Variants in PLXNA4 observed in about 807,000 individuals in gnomAD.
PLXNA4 encodes the protein plexin A4, also known as plexin-A4.
A neutral mutation model predicts 191.8 loss-of-function variants in PLXNA4; 44 were observed. That is an observed-to-expected ratio of 0.23 (90% CI 0.18 to 0.29). The LOEUF is 0.29. PLXNA4 is among the 10% of genes least tolerant of loss of function. The probability of loss-of-function intolerance (pLI) is 1.00; values close to 1 mark genes in which losing one functional copy is unlikely to be tolerated. For missense variants in PLXNA4, 1,800 were observed against 2,488.8 expected (o/e 0.72, Z 5.89); for synonymous variants, 1,082 against 1,009.5 (o/e 1.07, Z -1.36).
At chr7:132,601,327 C>T (rs532257246) in intron 2 of PLXNA4, among the ~76,000 whole-genome samples, 12 of 152,086 alleles carry the variant, frequency 7.9e-5, no homozygotes, top group East Asian at 3.9e-4. Context: ...TGGTAGAGCC[C>T]GTGAGAGATT....
intron 3 of PLXNA4, among the ~76,000 whole-genome samples, chr7:132,385,785 TG>T (rs1304083269): frequency 6.6e-6 from 1 of 152,236 alleles, no homozygotes; most frequent in African/African-American, 2.4e-5. Context: ...CAAGTCCTCC[TG>T]TGGCCAACCT....
Position 132,285,921 on chromosome 7 carries a change from C to A in PLXNA4, c.1503+12170G>T, listed in dbSNP as rs531116237. Among the ~76,000 whole-genome samples the A allele has an allele frequency of 1.1e-4, 17 of 152,200 alleles. 1 individual carries two copies. The South Asian group carries it at 3.5e-3, about 32-fold the overall frequency. On this transcript the variant is annotated intron_variant, in intron 4 of 31. Transcript: ENST00000321063. Reference sequence around the variant, plus strand: ...TGAGAGGGGTGAGGTGGTCAAGGCCCACCCACCACCCCCACCCACAAATGA... The same window carrying A: ...TGAGAGGGGTGAGGTGGTCAAGGCCAACCCACCACCCCCACCCACAAATGA...
At chr7:132,564,220 C>CTCCTCCTCCTCCTCT (rs1801594579) in intron 1 of PLXNA4, among the ~76,000 whole-genome samples, 1 of 127,224 alleles carries the variant, frequency 7.9e-6, no homozygotes, top group African/African-American at 3.0e-5. Context: ...CTTCTCCTTT[C>CTCCTCCTCCTCCTCT]TCCTCCTCCT....
intron 30 of PLXNA4, among the ~76,000 whole-genome samples, chr7:132,139,366 C>T (rs549903086): frequency 6.6e-6 from 1 of 152,156 alleles, no homozygotes; most frequent in African/African-American, 2.4e-5. Flanking sequence ...CTATCATAGG[C>T]AAAATGATAA....
At chr7:132,464,941 G>A (rs936003661) in intron 3 of PLXNA4, among the ~76,000 whole-genome samples, 1 of 152,240 alleles carries the variant, frequency 6.6e-6, no homozygotes, top group Non-Finnish European at 1.5e-5. Context: ...CTAGGAGAGA[G>A]GATGCCCAGT....
At position 132,422,764 on chromosome 7, in the gene PLXNA4, A is replaced by G. The variant is rs146522875; in HGVS notation, c.1371+66528T>C. Reference sequence around the variant, plus strand: ...GGCCCTGTTCCAGGAGCTCCTGGCCATACATAATCTCTCTTAATCCTCATA... The same window carrying G: ...GGCCCTGTTCCAGGAGCTCCTGGCCGTACATAATCTCTCTTAATCCTCATA... On this transcript the variant is annotated intron_variant, in intron 3 of 31. Transcript: ENST00000321063. Among the ~76,000 whole-genome samples, 4 of 152,338 alleles carry G rather than the reference A, an allele frequency of 2.6e-5. No homozygotes were observed. The East Asian group carries it at 7.7e-4, about 29-fold the overall frequency.
chr7:132,578,647 A>G (rs1802342871), upstream of PLXNA4, among the ~76,000 whole-genome samples: 1 of 152,142 alleles, frequency 6.6e-6, no homozygotes, highest in Admixed American at 6.5e-5. Flanking sequence ...CCACCCAGAG[A>G]GGACCCTGCT....
rs371685741 is a variant in PLXNA4 at position 132,460,372 on chromosome 7, GA to G, written c.1371+28919del. Among the ~76,000 whole-genome samples, 330 of 122,434 alleles carry G rather than the reference GA, an allele frequency of 2.7e-3. 2 individuals carry two copies. The highest frequency in any genetic ancestry group is 7.1e-3 in the Admixed American group (88 of 12,418). 80.3% of individuals were successfully genotyped at this position (122,434 alleles called of 152,430 possible). ...AGACTGAGACACTGTCTCAAAAAAA[GA>G]AAAAAAAAAAAACCTCAAATTGTAA... On this transcript the variant is annotated intron_variant, in intron 3 of 31. Coordinates refer to ENST00000321063, the MANE Select transcript of PLXNA4 (RefSeq NM_020911.2).
At chr7:132,282,997 C>G (rs557902027) in intron 4 of PLXNA4, among the ~76,000 whole-genome samples, 1 of 151,978 alleles carries the variant, frequency 6.6e-6, no homozygotes, top group Non-Finnish European at 1.5e-5. Flanking sequence ...CCACCTCAGC[C>G]CCCCCCAAGT....
At chr7:132,434,713 A>C (rs1795402772) in intron 3 of PLXNA4, among the ~76,000 whole-genome samples, 1 of 152,240 alleles carries the variant, frequency 6.6e-6, no homozygotes, top group Non-Finnish European at 1.5e-5. Flanking sequence ...CAAGGCACAC[A>C]GACCATGAAT....
At chr7:132,593,856 C>A (rs1563189367) in intron 2 of PLXNA4, among the ~76,000 whole-genome samples, 1 of 152,186 alleles carries the variant, frequency 6.6e-6, no homozygotes, top group African/African-American at 2.4e-5. Flanking sequence ...ATGAAGGCAC[C>A]CCAAAACTGG....
At chr7:132,406,264 T>G (rs1173045677) in intron 3 of PLXNA4, among the ~76,000 whole-genome samples, 1 of 152,190 alleles carries the variant, frequency 6.6e-6, no homozygotes, top group Non-Finnish European at 1.5e-5. Flanking sequence ...TGCCACACAA[T>G]GGTCTGAGTA....
intron 3 of PLXNA4, among the ~76,000 whole-genome samples, chr7:132,333,205 C>T (rs10263528): frequency 0.16 from 24,125 of 152,150 alleles, 2,264 homozygotes; most frequent in Admixed American, 0.24. Context: ...CCTGCAGCGG[C>T]CATCCCTGTG....
intron 3 of PLXNA4, among the ~76,000 whole-genome samples, chr7:132,442,518 G>A (rs886687974): frequency 8.5e-5 from 13 of 152,264 alleles, no homozygotes; most frequent in Admixed American, 2.6e-4. Context: ...CACCACCTAC[G>A]TGTTCTTTCT....
intron 2 of PLXNA4, among the ~76,000 whole-genome samples, chr7:132,505,252 A>C (rs77160122): frequency 0.11 from 16,830 of 152,288 alleles, 1,174 homozygotes; most frequent in Non-Finnish European, 0.14. Context: ...CTCCAAGGCT[A>C]CCACACGGTG....
At chr7:132,187,762 C>T (rs545619135) in intron 14 of PLXNA4, among the ~76,000 whole-genome samples, 155 bp from the exon 15 acceptor site, 16 of 152,112 alleles carry the variant, frequency 1.1e-4, no homozygotes, top group East Asian at 3.9e-4. Context: ...CTTAGGCTTG[C>T]GTGGATAGGC....
At chr7:132,328,471 G>A (rs899220697) in intron 3 of PLXNA4, among the ~76,000 whole-genome samples, 22 of 152,160 alleles carry the variant, frequency 1.4e-4, no homozygotes, top group Non-Finnish European at 2.6e-4. Flanking sequence ...AGGAGCGGGG[G>A]GGCCTCCTGC....
intron 4 of PLXNA4, among the ~76,000 whole-genome samples, chr7:132,270,396 G>C (rs1454877605): frequency 6.6e-6 from 1 of 152,222 alleles, no homozygotes. Flanking sequence ...CTGAGGGCTA[G>C]AGCCAGACTT....
At chr7:132,563,474 TCTG>T (rs1227016110) in intron 1 of PLXNA4, among the ~76,000 whole-genome samples, 3 of 31,848 alleles carry the variant, frequency 9.4e-5, no homozygotes, top group Admixed American at 3.6e-4. Context: ...TCCTCCTCCT[TCTG>T]CTGCTCCTCC....
Sources: allele counts gnomAD v4.1 joint callset (sites outside exome capture counted in the v4.1 genomes callset), GRCh38; gene constraint gnomAD v4.1.1; transcripts MANE v1.5; gene names NCBI Gene and HGNC (gene_info 2026-07-23, HGNC 2026-07-21).